Variants in GALNT17 observed in about 807,000 individuals in gnomAD.
GALNT17 encodes the protein UDP-GalNAc:polypeptide N-acetylgalactosaminyltransferase-like 3.
GALNT17 carries 29 observed loss-of-function variants against 63.7 expected under a neutral mutation model. The observed-to-expected ratio is 0.46, with a 90% confidence interval of 0.34 to 0.62. The LOEUF is 0.62. Ranked by LOEUF, GALNT17 falls within the 20% of genes least tolerant of loss-of-function variation. GALNT17 has a pLI of 0.01. For synonymous variants in GALNT17, 305 were observed against 318.3 expected, an observed-to-expected ratio of 0.96 and a Z score of 0.45; for missense variants, 603 against 799.6, an observed-to-expected ratio of 0.75 and a Z score of 2.97.
intron 5 of GALNT17, among the ~76,000 whole-genome samples, chr7:71,528,984 A>G (rs1788671159): frequency 6.6e-6 from 1 of 152,076 alleles, no homozygotes; most frequent in Non-Finnish European, 1.5e-5. Flanking sequence ...AAAATACAAA[A>G]ATTAGCCAGG....
intron 1 of GALNT17, among the ~76,000 whole-genome samples, chr7:71,319,092 G>A (rs866526280): frequency 0.21 from 11,050 of 52,104 alleles, 968 homozygotes; most frequent in African/African-American, 0.41. Context: ...AGCTATTTTT[G>A]TTTATCTTTC....
chr7:71,395,991 C>T (rs1254275375), intron 3 of GALNT17, among the ~76,000 whole-genome samples: 4 of 152,076 alleles, frequency 2.6e-5, no homozygotes, highest in East Asian at 1.9e-4. Context: ...TCTCTTTATA[C>T]TCATCTTTAT....
chr7:71,549,330 G>A (rs1206793265), intron 5 of GALNT17, among the ~76,000 whole-genome samples: 2 of 152,120 alleles, frequency 1.3e-5, no homozygotes, highest in Non-Finnish European at 2.9e-5. Context: ...ACTTTGGGAG[G>A]CCTAAGGTGG....
chr7:71,663,170 C>G (rs1790934805), intron 6 of GALNT17, among the ~76,000 whole-genome samples: 1 of 152,126 alleles, frequency 6.6e-6, no homozygotes, highest in African/African-American at 2.4e-5. Flanking sequence ...GTTTTAGCTA[C>G]TTGAGGTCCC....
intron 1 of GALNT17, among the ~76,000 whole-genome samples, chr7:71,216,520 T>A (rs1789480679): frequency 6.6e-6 from 1 of 151,894 alleles, no homozygotes. Flanking sequence ...GTGCGCTTCT[T>A]ACAACACACA....
chr7:71,240,228 T>C (rs1289241228), intron 1 of GALNT17, among the ~76,000 whole-genome samples: 1 of 152,232 alleles, frequency 6.6e-6, no homozygotes, highest in Non-Finnish European at 1.5e-5. Flanking sequence ...CAATTGTATT[T>C]AGATGAGATA....
intron 1 of GALNT17, among the ~76,000 whole-genome samples, chr7:71,238,997 A>T (rs1308151688): frequency 6.6e-6 from 1 of 152,154 alleles, no homozygotes; most frequent in Admixed American, 6.5e-5. Flanking sequence ...CCTGTCAGCA[A>T]CCGTGTGAGT....
At chr7:71,493,657 G>A (rs990660692) in intron 5 of GALNT17, among the ~76,000 whole-genome samples, 1 of 152,088 alleles carries the variant, frequency 6.6e-6, no homozygotes, top group Non-Finnish European at 1.5e-5. Flanking sequence ...ATCTCCCCCA[G>A]GGATGGTCCC....
At chr7:71,210,599 C>A (rs987905163) in intron 1 of GALNT17, among the ~76,000 whole-genome samples, 1 of 152,160 alleles carries the variant, frequency 6.6e-6, no homozygotes, top group Non-Finnish European at 1.5e-5. Flanking sequence ...CTCTTAGATA[C>A]ACCATATTGG....
chr7:71,710,359 T>C (rs1258450150), intron 9 of GALNT17, among the ~76,000 whole-genome samples: 4 of 152,062 alleles, frequency 2.6e-5, no homozygotes, highest in Admixed American at 6.5e-5. Flanking sequence ...AATACAAAAA[T>C]TAGCCGTGTG....
At chr7:71,659,583 C>T (rs1170584913) in intron 6 of GALNT17, among the ~76,000 whole-genome samples, 1 of 152,186 alleles carries the variant, frequency 6.6e-6, no homozygotes, top group Non-Finnish European at 1.5e-5. Context: ...AAGTGCAAGC[C>T]GCAAAGTCTC....
chr7:71,506,565 A>T (rs999209098), intron 5 of GALNT17, among the ~76,000 whole-genome samples: 3 of 152,096 alleles, frequency 2.0e-5, no homozygotes, highest in Admixed American at 6.6e-5. Flanking sequence ...CCCTACCTGG[A>T]CTTAGGAATA....
At chr7:71,206,901 C>T (rs1796077) in intron 1 of GALNT17, among the ~76,000 whole-genome samples, 20,156 of 151,860 alleles carry the variant, frequency 0.13, 1,380 homozygotes, top group East Asian at 0.23. Context: ...GTCAGGAGAT[C>T]GAGACCATCC....
chr7:71,376,157 A>G (rs1329818092), intron 2 of GALNT17, among the ~76,000 whole-genome samples: 1 of 152,034 alleles, frequency 6.6e-6, no homozygotes, highest in African/African-American at 2.4e-5. Context: ...GCGTAAAGCT[A>G]TTTATTATTT....
chr7:71,252,715 CCTCAA>C (rs1301729939), intron 1 of GALNT17, among the ~76,000 whole-genome samples: 3 of 152,056 alleles, frequency 2.0e-5, no homozygotes, highest in African/African-American at 7.2e-5. Context: ...ACCTTGGAGC[CCTCAA>C]CTTACTCTGC....
chr7:71,502,583 G>T (rs1297609347), intron 5 of GALNT17, among the ~76,000 whole-genome samples: 1 of 152,150 alleles, frequency 6.6e-6, no homozygotes, highest in Non-Finnish European at 1.5e-5. Context: ...CCACCATGCT[G>T]GGAAGACCAT....
intron 1 of GALNT17, among the ~76,000 whole-genome samples, chr7:71,201,600 A>G (rs975221413): frequency 3.3e-5 from 5 of 150,638 alleles, no homozygotes; most frequent in African/African-American, 1.2e-4. Context: ...CTAATGCATG[A>G]AATTATACTT....
intron 6 of GALNT17, among the ~76,000 whole-genome samples, chr7:71,607,633 A>T (rs1269627447): frequency 5.9e-5 from 9 of 152,236 alleles, no homozygotes; most frequent in Admixed American, 5.9e-4. Context: ...TAAAGAGATA[A>T]ACTCAAGAAA....
chr7:71,466,737 C>T lies in GALNT17; in HGVS notation c.962+45632C>T, dbSNP rs115330152. On this transcript the variant is annotated intron_variant, in intron 5 of 10. Coordinates refer to ENST00000333538, the MANE Select transcript of GALNT17 (RefSeq NM_022479.3). The stretch of plus-strand genomic sequence containing the variant: ...ATTTCTTTATGCTGACTTGAAACTC[C>T]GCAGACAAAATTTAGCTCTTTTAAC... Among the ~76,000 whole-genome samples, 822 of 152,242 alleles carry T rather than the reference C, an allele frequency of 5.4e-3. 8 individuals are homozygous for T. The highest frequency in any genetic ancestry group is 0.019 in the African/African-American group (776 of 41,530).
Sources: allele counts gnomAD v4.1 joint callset (sites outside exome capture counted in the v4.1 genomes callset), GRCh38; gene constraint gnomAD v4.1.1; transcripts MANE v1.5; gene names NCBI Gene and HGNC (gene_info 2026-07-23, HGNC 2026-07-21).